The following ZNF704 variants were observed in gnomAD, a reference collection of about 807,000 sequenced individuals.
ZNF704 encodes the protein glucocorticoid induced gene 1.
In ZNF704, 10 loss-of-function variants were observed where a neutral mutation model predicts 44.7. The ratio of observed to expected loss-of-function variants is 0.22; its 90% confidence interval spans 0.14 to 0.38. The LOEUF (loss-of-function observed/expected upper bound fraction) is 0.38, where lower values mean the gene tolerates loss of function less well. ZNF704 is among the 10% of genes least tolerant of loss of function. The probability of loss-of-function intolerance (pLI) is 1.00; values close to 1 mark genes in which losing one functional copy is unlikely to be tolerated. For synonymous variants in ZNF704, 211 were observed against 207.6 expected (o/e 1.02, Z -0.14); for missense variants, 390 against 545.5 (o/e 0.71, Z 2.84).
chr8:80,879,784 C>G, the ZNF704 span, among the ~76,000 whole-genome samples: 1 of 152,116 alleles, frequency 6.6e-6, no homozygotes, highest in Non-Finnish European at 1.5e-5. Context: ...GATAATTGTT[C>G]AATCTAAGAT....
At chr8:80,732,520 C>T (rs1463768133) in intron 2 of ZNF704, among the ~76,000 whole-genome samples, 1 of 152,106 alleles carries the variant, frequency 6.6e-6, no homozygotes, top group Non-Finnish European at 1.5e-5. Flanking sequence ...CTCAAGCAGC[C>T]CTCTGGAGAA....
At chr8:80,738,064 G>T (rs1302222631) in intron 2 of ZNF704, among the ~76,000 whole-genome samples, 1 of 152,114 alleles carries the variant, frequency 6.6e-6, no homozygotes, top group Non-Finnish European at 1.5e-5. Context: ...CTCAATTTGG[G>T]TTTGTCTGAT....
chr8:80,789,497 A>G (rs1259336568), intron 2 of ZNF704, among the ~76,000 whole-genome samples: 1 of 152,212 alleles, frequency 6.6e-6, no homozygotes, highest in African/African-American at 2.4e-5. Flanking sequence ...CTGTAATCCC[A>G]GCACTTTGGG....
chr8:80,757,353 T>A (rs540779635), intron 2 of ZNF704, among the ~76,000 whole-genome samples: 9 of 152,206 alleles, frequency 5.9e-5, no homozygotes, highest in Admixed American at 3.9e-4. Flanking sequence ...TTAAAAATTT[T>A]AAAAATGGAA....
rs1263341737 is a variant in ZNF704, at chr8:80,637,806, C to G, written c.*3560G>C. On this transcript the variant is annotated 3_prime_UTR_variant, in exon 9 of 9. Coordinates refer to ENST00000327835, the MANE Select transcript of ZNF704 (RefSeq NM_001033723.3). ...GAAACCCACAGCTTTTTTCCTGACA[C>G]TGGCTTTTGCCAACCAAGGGAGAAA... The G allele has an allele frequency of 6.6e-6, 1 of 152,278 alleles. No homozygotes were observed. Among genetic ancestry groups the G allele is most frequent in the Non-Finnish European group, 1.5e-5 (1 of 68,064 alleles). 9.4% of individuals were successfully genotyped at this position (152,278 alleles called of 1,614,324 possible).
At chr8:80,857,230 T>C (rs948119466) in intron 1 of ZNF704, among the ~76,000 whole-genome samples, 3 of 152,198 alleles carry the variant, frequency 2.0e-5, no homozygotes, top group Admixed American at 6.5e-5. Flanking sequence ...CTTATTTTTC[T>C]TGCCTTATCA....
intron 1 of ZNF704, among the ~76,000 whole-genome samples, chr8:80,853,845 GGGCAATGCTGAT>G (rs1226604033): frequency 6.6e-6 from 1 of 152,122 alleles, no homozygotes; most frequent in East Asian, 1.9e-4. Flanking sequence ...GGGGAAGGAA[GGGCAATGCTGAT>G]GGCCTGGAAG....
chr8:80,650,725 A>G (rs1817904031), intron 7 of ZNF704, among the ~76,000 whole-genome samples: 1 of 152,250 alleles, frequency 6.6e-6, no homozygotes, highest in South Asian at 2.1e-4. Context: ...GAATGGAACC[A>G]AGTTGGAAAA....
chr8:80,693,244 T>C, intron 2 of ZNF704, 137 bp from the exon 3 acceptor site: 1 of 717,598 alleles, frequency 1.4e-6, no homozygotes, highest in Non-Finnish European at 2.4e-6. Context: ...CTTTATTTTA[T>C]AGATGAGGAA....
chr8:80,762,966 C>T (rs772229017), intron 2 of ZNF704, among the ~76,000 whole-genome samples: 44 of 152,216 alleles, frequency 2.9e-4, no homozygotes, highest in Non-Finnish European at 5.4e-4. Context: ...CTTAAAGCTC[C>T]TAAATAACCT....
At chr8:80,829,925 G>A (rs920424813) in intron 1 of ZNF704, among the ~76,000 whole-genome samples, 1 of 152,208 alleles carries the variant, frequency 6.6e-6, no homozygotes, top group Non-Finnish European at 1.5e-5. Flanking sequence ...TGGACACTAT[G>A]AATCATGGGT....
intron 8 of ZNF704, among the ~76,000 whole-genome samples, 181 bp downstream of exon 8, chr8:80,642,854 G>A (rs548437438): frequency 5.3e-5 from 8 of 152,116 alleles, no homozygotes; most frequent in East Asian, 3.9e-4. Flanking sequence ...ATTACCCCCC[G>A]AAACAACAAA....
intron 7 of ZNF704, among the ~76,000 whole-genome samples, chr8:80,646,003 G>GC (rs1341666728): frequency 6.6e-6 from 1 of 152,144 alleles, no homozygotes; most frequent in East Asian, 1.9e-4. Flanking sequence ...GGCCAGTTTG[G>GC]CCCCCCTCAC....
the ZNF704 span, among the ~76,000 whole-genome samples, chr8:80,883,349 T>C: frequency 6.6e-6 from 1 of 152,094 alleles, no homozygotes; most frequent in Admixed American, 6.5e-5. Flanking sequence ...ACCTAGCCAT[T>C]TTAATGTATT....
At chr8:80,800,267 C>T (rs1807876639) in intron 2 of ZNF704, among the ~76,000 whole-genome samples, 1 of 152,194 alleles carries the variant, frequency 6.6e-6, no homozygotes. Context: ...TCCAGGAGAA[C>T]TTGCCCAACT....
At chr8:80,733,757 CCTCT>C (rs1241630065) in intron 2 of ZNF704, among the ~76,000 whole-genome samples, 3 of 152,202 alleles carry the variant, frequency 2.0e-5, no homozygotes, top group Admixed American at 1.3e-4. Flanking sequence ...GGCAGATTCA[CCTCT>C]CTATTTCTTA....
chr8:80,658,299 T>C (rs554792388), intron 7 of ZNF704, among the ~76,000 whole-genome samples: 2 of 152,008 alleles, frequency 1.3e-5, no homozygotes, highest in African/African-American at 4.8e-5. Flanking sequence ...AATAATTCTG[T>C]AACTGTGGCT....
chr8:80,800,734 T>A (rs558842555), intron 2 of ZNF704, among the ~76,000 whole-genome samples: 1 of 152,286 alleles, frequency 6.6e-6, no homozygotes, highest in African/African-American at 2.4e-5. Context: ...TCAGTGGCAC[T>A]ATGAAGCAAC....
At chr8:80,794,848 C>G (rs1418120544) in intron 2 of ZNF704, among the ~76,000 whole-genome samples, 1 of 152,172 alleles carries the variant, frequency 6.6e-6, no homozygotes, top group Admixed American at 6.5e-5. Flanking sequence ...GAGAGAAACT[C>G]TAGGATTATT....
Sources: gnomAD v4.1 joint callset for allele counts (sites outside exome capture counted in the v4.1 genomes callset) on GRCh38, gnomAD v4.1.1 for gene constraint, MANE v1.5 for transcripts, NCBI Gene and HGNC (gene_info 2026-07-23, HGNC 2026-07-21) for gene names.